Variants in UTS2 observed in about 807,000 individuals in gnomAD.
UTS2 encodes the protein urotensin 2.
In UTS2, 10 loss-of-function variants were observed where a neutral mutation model predicts 12.6. That is an observed-to-expected ratio of 0.80 (90% confidence interval 0.49 to 1.35). UTS2 has a LOEUF of 1.35. Ranked by LOEUF, UTS2 falls within the 40% of genes most tolerant of loss-of-function variation. The pLI is 0.00. For missense variants in UTS2, 142 were observed against 143.2 expected (o/e 0.99, Z 0.04); for synonymous variants, 52 against 50.0 (o/e 1.04, Z -0.17).
At chr1:7,855,813 C>T (rs1638293753), upstream of UTS2, among the ~76,000 whole-genome samples, 7 of 152,082 alleles carry the variant, frequency 4.6e-5, no homozygotes, top group Admixed American at 4.6e-4. Flanking sequence ...GCAATTCTAC[C>T]TTGGCCTTCC....
the UTS2 span, among the ~76,000 whole-genome samples, chr1:7,910,085 G>A: frequency 6.6e-6 from 1 of 152,214 alleles, no homozygotes; most frequent in Admixed American, 6.5e-5. Context: ...CATTGCTGGA[G>A]TTCAAAATGA....
chr1:7,860,588 G>A, the UTS2 span, among the ~76,000 whole-genome samples: 2 of 151,934 alleles, frequency 1.3e-5, no homozygotes, highest in African/African-American at 4.8e-5. Context: ...ATTATTTTTC[G>A]AGACAGGGCC....
the UTS2 span, among the ~76,000 whole-genome samples, chr1:7,863,368 C>T: frequency 6.6e-6 from 1 of 152,134 alleles, no homozygotes; most frequent in Non-Finnish European, 1.5e-5. Context: ...GCCTTGGCCT[C>T]CCAAAGTGCT....
At chr1:7,876,798 A>G in the UTS2 span, among the ~76,000 whole-genome samples, 1 of 151,490 alleles carries the variant, frequency 6.6e-6, no homozygotes, top group African/African-American at 2.4e-5. Flanking sequence ...CCACAATATT[A>G]GAAGAAGCAA....
At chr1:7,889,753 G>A in the UTS2 span, among the ~76,000 whole-genome samples, 2 of 151,542 alleles carry the variant, frequency 1.3e-5, no homozygotes, top group African/African-American at 2.4e-5. Context: ...CCTGGGAGAT[G>A]GAGGTTGCAG....
At chr1:7,863,839 G>C in the UTS2 span, among the ~76,000 whole-genome samples, 1 of 152,244 alleles carries the variant, frequency 6.6e-6, no homozygotes, top group Non-Finnish European at 1.5e-5. Flanking sequence ...TGGGTGAGCA[G>C]TTGGGGTTGC....
the UTS2 span, among the ~76,000 whole-genome samples, chr1:7,884,285 T>C: frequency 8.0e-5 from 12 of 149,630 alleles, 2 homozygotes; most frequent in African/African-American, 3.0e-4. Flanking sequence ...CATATGTACC[T>C]GGCCAAATAA....
chr1:7,849,573 A>G, intron 3 of UTS2, 67 bp downstream of exon 3: 1 of 1,388,856 alleles, frequency 7.2e-7, no homozygotes, highest in Non-Finnish European at 1.0e-6. Flanking sequence ...TCATGAATTC[A>G]GAGTCCTGTA....
At chr1:7,870,402 A>G in the UTS2 span, among the ~76,000 whole-genome samples, 14 of 152,206 alleles carry the variant, frequency 9.2e-5, no homozygotes, top group Admixed American at 9.2e-4. Flanking sequence ...CAGGACTGCA[A>G]AAAATTTCTT....
the UTS2 span, among the ~76,000 whole-genome samples, chr1:7,858,599 C>T: frequency 6.6e-6 from 1 of 151,834 alleles, no homozygotes; most frequent in African/African-American, 2.4e-5. Context: ...TTTTTTGACA[C>T]AGAGTCTCAC....
the UTS2 span, among the ~76,000 whole-genome samples, chr1:7,883,183 T>C: frequency 6.6e-6 from 1 of 152,212 alleles, no homozygotes; most frequent in Admixed American, 6.5e-5. Flanking sequence ...ATATACACAA[T>C]AGAATACTAT....
the UTS2 span, among the ~76,000 whole-genome samples, chr1:7,873,001 G>A: frequency 2.6e-5 from 4 of 152,116 alleles, no homozygotes; most frequent in Non-Finnish European, 5.9e-5. Flanking sequence ...AAAAATCCTA[G>A]GGCCCTTAAG....
the UTS2 span, among the ~76,000 whole-genome samples, chr1:7,887,269 A>T: frequency 1.3e-5 from 2 of 151,846 alleles, no homozygotes; most frequent in South Asian, 4.2e-4. Flanking sequence ...TGGGAGCCCT[A>T]CAAGTGGCCC....
At chr1:7,851,021 C>T in intron 1 of UTS2, 99 bp from the exon 2 acceptor site, 1 of 1,192,698 alleles carries the variant, frequency 8.4e-7, no homozygotes, top group Non-Finnish European at 1.2e-6. Flanking sequence ...GGGAGATGAA[C>T]ACTAGAAAAA....
the UTS2 span, among the ~76,000 whole-genome samples, chr1:7,904,324 AT>A: frequency 0.039 from 5,467 of 139,528 alleles, 324 homozygotes; most frequent in African/African-American, 0.12. Context: ...AAAAAAAAAA[AT>A]AATAAGCTGG....
the UTS2 span, among the ~76,000 whole-genome samples, chr1:7,868,370 T>C: frequency 6.6e-6 from 1 of 151,892 alleles, no homozygotes. Flanking sequence ...GGTTTTAGAG[T>C]CCTCATTTTT....
chr1:7,876,015 C>G, the UTS2 span, among the ~76,000 whole-genome samples: 3 of 152,190 alleles, frequency 2.0e-5, no homozygotes, highest in South Asian at 2.1e-4. Context: ...GATCGATCCA[C>G]CTCACCCACC....
the UTS2 span, among the ~76,000 whole-genome samples, chr1:7,862,975 TA>T: frequency 7.8e-6 from 1 of 128,232 alleles, no homozygotes; most frequent in African/African-American, 3.1e-5. Flanking sequence ...TGACGGCCGT[TA>T]TTTATTGTGT....
intron 2 of UTS2, among the ~76,000 whole-genome samples, chr1:7,849,923 C>T (rs1443966449): frequency 6.6e-6 from 1 of 151,550 alleles, no homozygotes; most frequent in Non-Finnish European, 1.5e-5. Flanking sequence ...TATTTTATAA[C>T]AAATGAACTC....
Sources: allele counts gnomAD v4.1 joint callset (sites outside exome capture counted in the v4.1 genomes callset), GRCh38; gene constraint gnomAD v4.1.1; transcripts MANE v1.5; gene names NCBI Gene and HGNC (gene_info 2026-07-23, HGNC 2026-07-21).